SLC8A1: variants seen among roughly 807,000 people sequenced by gnomAD.
SLC8A1 encodes the protein solute carrier family 8 member A1.
Under a neutral mutation model 68.3 loss-of-function variants are expected in SLC8A1, and 18 were observed. That is an observed-to-expected ratio of 0.26 (90% confidence interval 0.18 to 0.39). The LOEUF is 0.39. Ranked by LOEUF, SLC8A1 falls within the 10% of genes least tolerant of loss-of-function variation. The pLI is 1.00. For synonymous variants in SLC8A1, 475 were observed against 415.5 expected, an observed-to-expected ratio of 1.14 and a Z score of -1.74; for missense variants, 985 against 1,156.7, an observed-to-expected ratio of 0.85 and a Z score of 2.15.
chr2:40,282,832 C>A (rs2067721051), intron 2 of SLC8A1, among the ~76,000 whole-genome samples: 1 of 151,968 alleles, frequency 6.6e-6, no homozygotes, highest in Non-Finnish European at 1.5e-5. Flanking sequence ...CACTATAAAC[C>A]CAATCAGATG....
chr2:40,200,151 A>G (rs1185292597), intron 2 of SLC8A1, among the ~76,000 whole-genome samples: 1 of 97,636 alleles, frequency 1.0e-5, no homozygotes, highest in East Asian at 3.3e-4. Context: ...TCTCTGCAGC[A>G]CATAGAGGAT....
chr2:40,494,125 T>C (rs1273845728), intron 1 of SLC8A1, among the ~76,000 whole-genome samples: 1 of 151,968 alleles, frequency 6.6e-6, no homozygotes, highest in African/African-American at 2.4e-5. Context: ...GTAATAATAA[T>C]AATAATCATA....
intron 2 of SLC8A1, among the ~76,000 whole-genome samples, chr2:40,247,158 G>A (rs2061993353): frequency 2.6e-5 from 4 of 152,108 alleles, no homozygotes; most frequent in African/African-American, 9.7e-5. Context: ...TCAACTCTTA[G>A]CCATCTGAAG....
intron 6 of SLC8A1, among the ~76,000 whole-genome samples, chr2:40,160,540 G>A (rs2045483631): frequency 6.6e-6 from 1 of 152,176 alleles, no homozygotes; most frequent in African/African-American, 2.4e-5. Flanking sequence ...TTTCCAGAAA[G>A]ATGCAATATA....
At chr2:40,176,303 T>C (rs1344365723) in intron 3 of SLC8A1, among the ~76,000 whole-genome samples, 1 of 152,164 alleles carries the variant, frequency 6.6e-6, no homozygotes, top group African/African-American at 2.4e-5. Context: ...TTAAGGAATT[T>C]TAATTTGCTG....
In SLC8A1 at chr2:40,174,277, G is replaced by A. The variant is rs965143191; in HGVS notation, c.1930+548C>T. Among the ~76,000 whole-genome samples, 8 of 151,982 alleles carry A rather than the reference G, an allele frequency of 5.3e-5. No homozygotes were observed. In the Middle Eastern group the frequency reaches 0.017, roughly 323 times the overall value. ...ATGTGTTAAAGTGATGTATTTTTAC[G>A]TATTTTCTCAACATGTATTTTTATG... On this transcript the variant is annotated intron_variant, in intron 4 of 7. Coordinates refer to ENST00000406785, the Ensembl canonical transcript of SLC8A1.
At chr2:40,285,095 C>T (rs1383974077) in intron 2 of SLC8A1, among the ~76,000 whole-genome samples, 1 of 152,134 alleles carries the variant, frequency 6.6e-6, no homozygotes, top group East Asian at 1.9e-4. Flanking sequence ...AGCATTGCTT[C>T]CTTCAAGAGA....
rs1553486208 is a variant in SLC8A1 at position 40,302,065 on chromosome 2, G to GTA, written c.1809-124211_1809-124210insTA. Reference sequence around the variant, plus strand: ...TGTGTGTGTGTGTGTGTGTGTGTGTGTGTGTGTGTTTAGTAGAGAAGGGGT... The same window carrying GTA: ...TGTGTGTGTGTGTGTGTGTGTGTGTGTATGTGTGTGTTTAGTAGAGAAGGGGT... On this transcript the variant is annotated intron_variant, in intron 2 of 7. Transcript: ENST00000406785. 5.3e-4 allele frequency among the ~76,000 whole-genome samples: 79 copies of GTA among 149,372 alleles called. 4 individuals are homozygous for GTA.
At chr2:40,339,032 A>G (rs1264015794) in intron 2 of SLC8A1, among the ~76,000 whole-genome samples, 1 of 152,230 alleles carries the variant, frequency 6.6e-6, no homozygotes, top group African/African-American at 2.4e-5. Flanking sequence ...TATTGTGTCA[A>G]TAAAAATAAG....
At chr2:40,372,469 T>G (rs1034447802) in intron 2 of SLC8A1, among the ~76,000 whole-genome samples, 1 of 152,126 alleles carries the variant, frequency 6.6e-6, no homozygotes, top group African/African-American at 2.4e-5. Context: ...TGCTGAGGAT[T>G]TTTCTTCATA....
At chr2:40,228,127 C>T (rs776615990) in intron 2 of SLC8A1, among the ~76,000 whole-genome samples, 1 of 152,156 alleles carries the variant, frequency 6.6e-6, no homozygotes, top group African/African-American at 2.4e-5. Context: ...CAAGTGTTGA[C>T]AAATTCCTGT....
At chr2:40,158,772 C>T (rs1045861961) in intron 6 of SLC8A1, among the ~76,000 whole-genome samples, 1 of 152,150 alleles carries the variant, frequency 6.6e-6, no homozygotes, top group African/African-American at 2.4e-5. Flanking sequence ...CTCTCTCAGA[C>T]TCAGATTCTT....
chr2:40,201,975 G>C (rs758637181), intron 2 of SLC8A1, among the ~76,000 whole-genome samples: 3 of 151,938 alleles, frequency 2.0e-5, no homozygotes, highest in Non-Finnish European at 4.4e-5. Flanking sequence ...TTGAACATTA[G>C]ATATATAAAA....
intron 2 of SLC8A1, among the ~76,000 whole-genome samples, chr2:40,312,120 T>C (rs546834555): frequency 1.3e-5 from 2 of 152,250 alleles, no homozygotes; most frequent in East Asian, 3.9e-4. Flanking sequence ...CTACATTGTA[T>C]TTGAAACAAG....
chr2:40,294,939 G>A (rs527768501), intron 2 of SLC8A1, among the ~76,000 whole-genome samples: 7 of 152,014 alleles, frequency 4.6e-5, no homozygotes, highest in Admixed American at 1.3e-4. Context: ...GGCTTCCACC[G>A]GGGTGACAAA....
intron 2 of SLC8A1, among the ~76,000 whole-genome samples, chr2:40,272,050 A>G (rs1314863272): frequency 1.3e-5 from 2 of 151,752 alleles, no homozygotes; most frequent in African/African-American, 4.8e-5. Flanking sequence ...GGTATTATTT[A>G]TAGAGATGGG....
At chr2:40,132,787 A>G (rs1459374593) in intron 7 of SLC8A1, among the ~76,000 whole-genome samples, 2 of 152,194 alleles carry the variant, frequency 1.3e-5, no homozygotes, top group African/African-American at 4.8e-5. Context: ...AGGAGGCAAA[A>G]TCAGTTCACA....
At chr2:40,269,360 C>T (rs1199342228) in intron 2 of SLC8A1, among the ~76,000 whole-genome samples, 1 of 152,172 alleles carries the variant, frequency 6.6e-6, no homozygotes, top group Non-Finnish European at 1.5e-5. Flanking sequence ...AGAAATAAAA[C>T]ACCGTGTGAA....
At chr2:40,259,167 C>G (rs1177567947) in intron 2 of SLC8A1, among the ~76,000 whole-genome samples, 1 of 152,144 alleles carries the variant, frequency 6.6e-6, no homozygotes, top group East Asian at 1.9e-4. Flanking sequence ...GTAATAGAAT[C>G]AATCTTTTCA....
Sources: gnomAD v4.1 joint callset for allele counts (sites outside exome capture counted in the v4.1 genomes callset) on GRCh38, gnomAD v4.1.1 for gene constraint, MANE v1.5 for transcripts, NCBI Gene and HGNC (gene_info 2026-07-23, HGNC 2026-07-21) for gene names.